STS: variants seen among roughly 807,000 people sequenced by gnomAD.
STS encodes steryl-sulfatase.
In STS, 7 loss-of-function variants were observed where a neutral mutation model predicts 26.8. The ratio of observed to expected loss-of-function variants is 0.26; its 90% CI spans 0.15 to 0.49. The LOEUF is 0.49. Ranked by LOEUF, STS falls within the 20% of genes least tolerant of loss-of-function variation. STS has a pLI of 0.98. For synonymous variants in STS, 199 were observed against 189.4 expected, an observed-to-expected ratio of 1.05 and a Z score of -0.42; for missense variants, 434 against 465.6, an observed-to-expected ratio of 0.93 and a Z score of 0.63.
At chrX:7,315,380 A>T (rs972502278) in intron 8 of STS, among the ~76,000 whole-genome samples, 1 of 112,099 alleles carries the variant, frequency 8.9e-6, no homozygotes, top group East Asian at 2.8e-4. Context: ...GAGGCTTGTT[A>T]TCTAGGCTTT....
chrX:7,307,179 G>A (rs2147141954), intron 8 of STS, among the ~76,000 whole-genome samples: 1 of 111,283 alleles, frequency 9.0e-6, no homozygotes, highest in South Asian at 3.9e-4. Context: ...CTCAATGCAG[G>A]ACACATAATC....
chrX:7,340,366 A>AC (rs747099424), intron 10 of STS, among the ~76,000 whole-genome samples: 9 of 112,051 alleles, frequency 8.0e-5, no homozygotes, highest in African/African-American at 2.6e-4. Flanking sequence ...TTTAGTTCTA[A>AC]CCAGGGCATG....
intron 2 of STS, among the ~76,000 whole-genome samples, chrX:7,194,048 G>C (rs1280991693): frequency 9.0e-6 from 1 of 111,357 alleles, no homozygotes; most frequent in Non-Finnish European, 1.9e-5. Context: ...GGGACTACAG[G>C]CAAGCGCCAC....
At chrX:7,317,658 C>G (rs991632705) in intron 8 of STS, among the ~76,000 whole-genome samples, 3 of 110,869 alleles carry the variant, frequency 2.7e-5, no homozygotes, top group African/African-American at 9.8e-5. Flanking sequence ...TTTTTGTAGA[C>G]TGGGTCTCAC....
intron 2 of STS, among the ~76,000 whole-genome samples, chrX:7,211,958 C>A (rs896490190): frequency 8.9e-6 from 1 of 112,297 alleles, no homozygotes; most frequent in East Asian, 2.8e-4. Flanking sequence ...TCCTCCTCCC[C>A]TTCCTTTCGG....
intron 7 of STS, among the ~76,000 whole-genome samples, chrX:7,293,123 C>T (rs1370775363): frequency 1.8e-5 from 2 of 111,900 alleles, no homozygotes; most frequent in Non-Finnish European, 3.8e-5. Context: ...TAGTTCAATG[C>T]AACAAGCCTC....
At chrX:7,201,222 C>A (rs1934066592) in intron 2 of STS, among the ~76,000 whole-genome samples, 1 of 110,979 alleles carries the variant, frequency 9.0e-6, no homozygotes, top group Non-Finnish European at 1.9e-5. Context: ...ATATAGATAT[C>A]TAGATTGATA....
intron 8 of STS, among the ~76,000 whole-genome samples, chrX:7,320,683 A>T (rs1409912662): frequency 8.9e-6 from 1 of 111,911 alleles, no homozygotes; most frequent in Non-Finnish European, 1.9e-5. Context: ...CCTCCCAAAG[A>T]TCTGCTTTCA....
At chrX:7,150,662 T>A (rs1414754578) in intron 1 of STS, among the ~76,000 whole-genome samples, 1 of 111,732 alleles carries the variant, frequency 8.9e-6, no homozygotes, top group Non-Finnish European at 1.9e-5. Context: ...TGCTTCACAT[T>A]ATGTTTTTAT....
chrX:7,323,683 C>G (rs764144324), intron 8 of STS, among the ~76,000 whole-genome samples: 15 of 111,788 alleles, frequency 1.3e-4, no homozygotes, highest in Admixed American at 3.8e-4. Flanking sequence ...AATGAACATA[C>G]AGGTAAAGGT....
intron 2 of STS, among the ~76,000 whole-genome samples, chrX:7,206,805 G>A (rs991529870): frequency 7.1e-5 from 8 of 112,283 alleles, no homozygotes; most frequent in Admixed American, 3.8e-4. Flanking sequence ...ACATCATCTC[G>A]ATCCAATGGT....
intron 7 of STS, among the ~76,000 whole-genome samples, chrX:7,292,020 C>G (rs1370767287): frequency 8.9e-6 from 1 of 112,119 alleles, no homozygotes; most frequent in Non-Finnish European, 1.9e-5. Context: ...AAGAAAAAAA[C>G]CTAGAGAAAA....
chrX:7,247,351 G>A (rs112879211), intron 2 of STS, among the ~76,000 whole-genome samples: 9 of 111,591 alleles, frequency 8.1e-5, no homozygotes, highest in African/African-American at 2.9e-4. Context: ...AGAGAGAGGT[G>A]ATTGACTATG....
intron 10 of STS, among the ~76,000 whole-genome samples, chrX:7,342,640 G>A (rs913905284): frequency 3.6e-5 from 4 of 112,224 alleles, no homozygotes; most frequent in Non-Finnish European, 7.5e-5. Flanking sequence ...CAGGAAGCAG[G>A]CAGAACTTAT....
chrX:7,269,977 G>GA (rs765908214), intron 6 of STS, among the ~76,000 whole-genome samples: 15 of 111,244 alleles, frequency 1.3e-4, no homozygotes, highest in South Asian at 1.1e-3. Flanking sequence ...ATGGCAGACA[G>GA]AAAAAAAATG....
At chrX:7,284,460 G>A (rs1319112303) in intron 7 of STS, among the ~76,000 whole-genome samples, 1 of 111,835 alleles carries the variant, frequency 8.9e-6, no homozygotes, top group Non-Finnish European at 1.9e-5. Context: ...GGGATGTGAT[G>A]TGCAGGGGGA....
intron 1 of STS, among the ~76,000 whole-genome samples, chrX:7,188,188 C>T (rs1933808257): frequency 8.9e-6 from 1 of 111,932 alleles, no homozygotes; most frequent in African/African-American, 3.2e-5. Flanking sequence ...CATTCCCCTT[C>T]ACCCCTAAAA....
At chrX:7,282,521 C>A (rs1285620459) in intron 7 of STS, among the ~76,000 whole-genome samples, 1 of 112,032 alleles carries the variant, frequency 8.9e-6, no homozygotes, top group Non-Finnish European at 1.9e-5. Context: ...TCTTTAAGAT[C>A]TTTAAAGTGT....
chrX:7,345,968 C>T (rs1331848002), intron 10 of STS, among the ~76,000 whole-genome samples: 7 of 111,995 alleles, frequency 6.3e-5, no homozygotes, highest in African/African-American at 9.7e-5. Context: ...GTGGCTGAGT[C>T]GCTGTAATAC....
Sources: allele counts gnomAD v4.1 joint callset (sites outside exome capture counted in the v4.1 genomes callset), GRCh38; gene constraint gnomAD v4.1.1; transcripts MANE v1.5; gene names NCBI Gene and HGNC (gene_info 2026-07-23, HGNC 2026-07-21).